Variants in MRPL45 observed in about 807,000 individuals in gnomAD.
MRPL45 encodes the protein mitochondrial ribosomal protein L45.
MRPL45 carries 20 observed loss-of-function variants against 38.1 expected under a neutral mutation model. The observed-to-expected ratio is 0.53, with a 90% CI of 0.37 to 0.76. The LOEUF (loss-of-function observed/expected upper bound fraction) is 0.76. Ranked by LOEUF, MRPL45 falls within the 30% of genes least tolerant of loss-of-function variation. MRPL45 has a pLI of 0.00. For missense variants in MRPL45, 337 were observed against 395.6 expected (o/e 0.85, Z 1.26); for synonymous variants, 105 against 128.8 (o/e 0.82, Z 1.25).
intron 4 of MRPL45, among the ~76,000 whole-genome samples, chr17:38,307,430 A>G (rs866408031): frequency 6.6e-6 from 1 of 151,830 alleles, no homozygotes; most frequent in African/African-American, 2.4e-5. Flanking sequence ...CCTGGACCCA[A>G]GTGGTTCTCT....
chr17:38,321,648 A>G (rs1448252359), intron 6 of MRPL45, among the ~76,000 whole-genome samples: 1 of 151,290 alleles, frequency 6.6e-6, no homozygotes, highest in Non-Finnish European at 1.5e-5. Flanking sequence ...ACGATACCGT[A>G]CCACTGCACT....
chr17:38,300,918 C>T (rs1372226932), intron 3 of MRPL45, among the ~76,000 whole-genome samples: 3 of 152,122 alleles, frequency 2.0e-5, no homozygotes, highest in Non-Finnish European at 4.4e-5. Flanking sequence ...TGCACTCCAG[C>T]CTGGGCAACA....
chr17:38,299,213 A>C, intron 2 of MRPL45, 138 bp from the exon 3 acceptor site: 1 of 632,034 alleles, frequency 1.6e-6, no homozygotes, highest in Non-Finnish European at 2.7e-6. Flanking sequence ...CTAGTGTAAC[A>C]TAGTTCTCTC....
intron 6 of MRPL45, 129 bp downstream of exon 6, chr17:38,320,896 C>T: frequency 1.2e-6 from 1 of 858,906 alleles, no homozygotes; most frequent in African/African-American, 1.7e-5. Context: ...ATCTGTCTTC[C>T]TTGCTGTGCC....
intron 2 of MRPL45, among the ~76,000 whole-genome samples, chr17:38,298,941 C>T (rs2036964346): frequency 1.3e-5 from 2 of 151,628 alleles, no homozygotes; most frequent in Non-Finnish European, 2.9e-5. Context: ...CGTTCTGTCG[C>T]CCAGTGGCAC....
chr17:38,302,318 C>G (rs1480777524), intron 3 of MRPL45, among the ~76,000 whole-genome samples: 1 of 151,160 alleles, frequency 6.6e-6, no homozygotes, highest in Non-Finnish European at 1.5e-5. Flanking sequence ...GAGATCCCAT[C>G]TCTACTAAAG....
chr17:38,322,157 TGATGTATGGACAGGAA>T lies in MRPL45; in HGVS notation c.699_714del (p.Gly234ProfsTer14). On this transcript the variant is annotated frameshift_variant, in exon 7 of 8. Coordinates refer to ENST00000613675, the MANE Select transcript of MRPL45 (RefSeq NM_032351.6). LOFTEE classifies it high-confidence loss of function. Reference sequence around the variant, plus strand: ...GCCATCTATGACCGGTTTGGCCGGTTGATGTATGGACAGGAAGATGTACCCAAGGATGTCCTGGAGT... The same window carrying T: ...GCCATCTATGACCGGTTTGGCCGGTTGATGTACCCAAGGATGTCCTGGAGT... 6.2e-7 allele frequency: 1 copy of T among 1,614,112 alleles called. No homozygotes were observed. Among genetic ancestry groups the T allele is most frequent in the Admixed American group, 1.7e-5 (1 of 60,004 alleles).
At chr17:38,298,935 C>G (rs1015891397) in intron 2 of MRPL45, among the ~76,000 whole-genome samples, 5 of 151,872 alleles carry the variant, frequency 3.3e-5, no homozygotes, top group African/African-American at 9.7e-5. Flanking sequence ...GAGTCTCGTT[C>G]TGTCGCCCAG....
chr17:38,306,278 G>C (rs145384096), intron 3 of MRPL45, among the ~76,000 whole-genome samples: 1 of 151,876 alleles, frequency 6.6e-6, no homozygotes, highest in African/African-American at 2.4e-5. Flanking sequence ...GTGTGGTCGC[G>C]GGCGCCTGTA....
In MRPL45 at chr17:38,314,598, C is replaced by T. The variant is rs529772488; in HGVS notation, c.462-4089C>T. 3.2e-4 allele frequency among the ~76,000 whole-genome samples: 48 copies of T among 152,238 alleles called. No individual in the cohort carries two copies. In the East Asian group the frequency reaches 5.8e-3, roughly 18 times the overall value. The stretch of plus-strand genomic sequence containing the variant: ...CTCTAAGATTTTTATAGTTTTAGCT[C>T]TCACATTTAGGTCTTTGCTCCATTT... On this transcript the variant is annotated intron_variant, in intron 4 of 7. Coordinates refer to ENST00000613675, the MANE Select transcript of MRPL45 (RefSeq NM_032351.6).
intron 3 of MRPL45, among the ~76,000 whole-genome samples, chr17:38,300,381 C>T (rs2036981623): frequency 6.6e-6 from 1 of 152,008 alleles, no homozygotes; most frequent in African/African-American, 2.4e-5. Flanking sequence ...CCAGGCTGGT[C>T]TCGAACTCCT....
chr17:38,312,597 T>G (rs1364515725), intron 4 of MRPL45, among the ~76,000 whole-genome samples: 1 of 152,188 alleles, frequency 6.6e-6, no homozygotes. Flanking sequence ...GTCTGGGTGG[T>G]GGCTCATACC....
At chr17:38,297,521 A>G (rs1292425725) in intron 1 of MRPL45, among the ~76,000 whole-genome samples, 4 of 152,062 alleles carry the variant, frequency 2.6e-5, no homozygotes, top group South Asian at 2.1e-4. Context: ...TAAAGGAGAG[A>G]CAAGTAATGG....
rs67699213 is a variant in MRPL45 at position 38,302,116 on chromosome 17, CAAAAAAAAAAA to C, written c.362+2659_362+2669del. 9.3e-5 allele frequency among the ~76,000 whole-genome samples: 7 copies of C among 75,582 alleles called. No individual in the cohort carries two copies. In the South Asian group the frequency reaches 3.1e-3, roughly 34 times the overall value. 49.6% of individuals were successfully genotyped at this position (75,582 alleles called of 152,430 possible). ...TGGGCGACAGAGCAAGACTCCGTCT[CAAAAAAAAAAA>C]AAAAAAAAAAGATAACTTGGTCTGG... On this transcript the variant is annotated intron_variant, in intron 3 of 7. Transcript: ENST00000613675.
intron 4 of MRPL45, among the ~76,000 whole-genome samples, chr17:38,316,629 T>C (rs7406819): frequency 6.7e-6 from 1 of 148,266 alleles, no homozygotes; most frequent in Non-Finnish European, 1.5e-5. Context: ...GCCAACATGG[T>C]GAAACCCCAA....
At chr17:38,319,576 G>A (rs1358272533) in intron 5 of MRPL45, among the ~76,000 whole-genome samples, 2 of 152,140 alleles carry the variant, frequency 1.3e-5, no homozygotes, top group Non-Finnish European at 1.5e-5. Flanking sequence ...ACAGACTCTG[G>A]TAAGGGCCCT....
chr17:38,315,592 C>A (rs1010554239), intron 4 of MRPL45, among the ~76,000 whole-genome samples: 2 of 151,936 alleles, frequency 1.3e-5, no homozygotes, highest in African/African-American at 4.8e-5. Context: ...AAGATTCATT[C>A]TTTGTGTTTG....
intron 4 of MRPL45, among the ~76,000 whole-genome samples, chr17:38,314,954 T>A (rs1325037934): frequency 6.6e-6 from 1 of 152,228 alleles, no homozygotes; most frequent in African/African-American, 2.4e-5. Context: ...TGTCTCTCCC[T>A]CCCACTTCAT....
At chr17:38,318,997 T>TTTTATTTATTTA (rs575783313) in intron 5 of MRPL45, among the ~76,000 whole-genome samples, 51 of 127,462 alleles carry the variant, frequency 4.0e-4, no homozygotes, top group Middle Eastern at 3.9e-3. Flanking sequence ...CCAGCTAATT[T>TTTTATTTATTTA]TTTATTTATT....
Sources: allele counts gnomAD v4.1 joint callset (sites outside exome capture counted in the v4.1 genomes callset), GRCh38; gene constraint gnomAD v4.1.1; transcripts MANE v1.5; gene names NCBI Gene and HGNC (gene_info 2026-07-23, HGNC 2026-07-21).